The following SLC44A5 variants were observed in gnomAD, a reference collection of about 807,000 sequenced individuals.
SLC44A5 encodes choline transporter-like protein 5.
A neutral mutation model predicts 101.8 loss-of-function variants in SLC44A5; 57 were observed. The ratio of observed to expected loss-of-function variants is 0.56; its 90% CI spans 0.45 to 0.70. The LOEUF (loss-of-function observed/expected upper bound fraction) is 0.70, where lower values mean the gene tolerates loss of function less well. Among genes scored for constraint, SLC44A5 ranks in the 30% least tolerant of loss-of-function variants. SLC44A5 has a pLI of 0.00. For missense variants in SLC44A5, 737 were observed against 853.1 expected, an observed-to-expected ratio of 0.86 and a Z score of 1.70; for synonymous variants, 281 against 290.9, an observed-to-expected ratio of 0.97 and a Z score of 0.35.
At chr1:75,700,409 G>A in the SLC44A5 span, among the ~76,000 whole-genome samples, 1 of 149,846 alleles carries the variant, frequency 6.7e-6, no homozygotes, top group African/African-American at 2.5e-5. Flanking sequence ...AATGACTACT[G>A]GGTACATAAC....
At chr1:75,696,163 C>T in the SLC44A5 span, among the ~76,000 whole-genome samples, 4 of 152,098 alleles carry the variant, frequency 2.6e-5, no homozygotes, top group South Asian at 4.1e-4. Context: ...TATTCTCACT[C>T]CGGGACTTAG....
the SLC44A5 span, among the ~76,000 whole-genome samples, chr1:75,679,631 A>G: frequency 6.6e-6 from 1 of 152,144 alleles, no homozygotes; most frequent in African/African-American, 2.4e-5. Flanking sequence ...ATGGAAAGGA[A>G]CAACTGGTAC....
intron 14 of SLC44A5, among the ~76,000 whole-genome samples, chr1:75,220,874 T>C (rs1647063843): frequency 6.6e-6 from 1 of 152,202 alleles, no homozygotes; most frequent in Non-Finnish European, 1.5e-5. Flanking sequence ...CACTGCTAAG[T>C]GAATTATTGT....
In SLC44A5 at chr1:75,456,692, T is replaced by A. The variant is rs183627706; in HGVS notation, c.14-60071A>T. Among the ~76,000 whole-genome samples the A allele has an allele frequency of 1.9e-3, 293 of 152,310 alleles. 1 individual carries two copies. Among genetic ancestry groups the A allele is most frequent in the African/African-American group, 6.4e-3 (267 of 41,580 alleles). ...GGCTTTTTGTTTGTTTTATTGTTTT[T>A]AAGAATTTCTAAAAGGAAAGTAGCA... is the stretch of plus-strand genomic sequence containing the variant. On this transcript the variant is annotated intron_variant, in intron 2 of 23. Transcript: ENST00000370859.
the SLC44A5 span, among the ~76,000 whole-genome samples, chr1:75,705,825 T>C: frequency 6.6e-6 from 1 of 152,056 alleles, no homozygotes; most frequent in African/African-American, 2.4e-5. Flanking sequence ...GGATTACAGG[T>C]GCACCACCAC....
At chr1:75,335,740 A>G (rs1657391539) in intron 4 of SLC44A5, among the ~76,000 whole-genome samples, 1 of 152,216 alleles carries the variant, frequency 6.6e-6, no homozygotes, top group Non-Finnish European at 1.5e-5. Context: ...TGCTTTAATT[A>G]TGTGTTAATT....
intron 2 of SLC44A5, among the ~76,000 whole-genome samples, chr1:75,421,415 G>T (rs535830492): frequency 6.6e-6 from 1 of 152,246 alleles, no homozygotes; most frequent in African/African-American, 2.4e-5. Context: ...AGATTTTTAT[G>T]TAGGCCATAA....
At chr1:75,683,607 G>A in the SLC44A5 span, among the ~76,000 whole-genome samples, 1 of 152,110 alleles carries the variant, frequency 6.6e-6, no homozygotes, top group Non-Finnish European at 1.5e-5. Context: ...GGACTGTTGT[G>A]AGGTGGCGGA....
At chr1:75,548,042 T>A (rs1238638834) in intron 1 of SLC44A5, among the ~76,000 whole-genome samples, 2 of 152,190 alleles carry the variant, frequency 1.3e-5, no homozygotes, top group South Asian at 4.1e-4. Context: ...TTATACTTTT[T>A]ATTTTAATAC....
At chr1:75,414,282 TATACATAC>T (rs10567313) in intron 2 of SLC44A5, among the ~76,000 whole-genome samples, 51,624 of 148,410 alleles carry the variant, frequency 0.35, 9,099 homozygotes, top group Middle Eastern at 0.42. Flanking sequence ...TATACACATA[TATACATAC>T]ATACATACAT....
intron 2 of SLC44A5, among the ~76,000 whole-genome samples, chr1:75,502,579 G>C (rs1046744920): frequency 6.6e-6 from 1 of 151,680 alleles, no homozygotes; most frequent in Non-Finnish European, 1.5e-5. Context: ...TATACTTTAA[G>C]TTCTAGGGTA....
chr1:75,341,362 G>T (rs911303308), intron 3 of SLC44A5, among the ~76,000 whole-genome samples: 1 of 152,100 alleles, frequency 6.6e-6, no homozygotes, highest in Non-Finnish European at 1.5e-5. Flanking sequence ...CACACCTGTA[G>T]TCCTAGCTAT....
intron 2 of SLC44A5, among the ~76,000 whole-genome samples, chr1:75,514,280 C>T (rs1340207227): frequency 6.6e-6 from 1 of 152,164 alleles, no homozygotes; most frequent in Non-Finnish European, 1.5e-5. Context: ...ACCTTCTGAG[C>T]CTCTCAAAGC....
upstream of SLC44A5, among the ~76,000 whole-genome samples, chr1:75,611,662 T>C (rs143897002): frequency 1.3e-5 from 2 of 152,218 alleles, no homozygotes; most frequent in South Asian, 2.1e-4. Context: ...TTGTTACAAA[T>C]GCTTCATTAT....
At chr1:75,556,949 G>A (rs768942553) in intron 1 of SLC44A5, among the ~76,000 whole-genome samples, 1 of 152,082 alleles carries the variant, frequency 6.6e-6, no homozygotes, top group Non-Finnish European at 1.5e-5. Flanking sequence ...AAAAAGTGAA[G>A]AGAAAGAAGA....
chr1:75,678,241 G>A, the SLC44A5 span, among the ~76,000 whole-genome samples: 178 of 152,268 alleles, frequency 1.2e-3, no homozygotes, highest in African/African-American at 1.7e-3. Context: ...AGGGAAGCTC[G>A]AACTGGGTGG....
At chr1:75,210,522 G>T (rs779098484) in intron 23 of SLC44A5, among the ~76,000 whole-genome samples, 5 of 152,116 alleles carry the variant, frequency 3.3e-5, no homozygotes, top group African/African-American at 7.2e-5. Flanking sequence ...CTATCCATTT[G>T]TCATTGTGAT....
chr1:75,444,325 A>T (rs548224320), intron 2 of SLC44A5, among the ~76,000 whole-genome samples: 66 of 144,352 alleles, frequency 4.6e-4, no homozygotes, highest in Non-Finnish European at 8.9e-4. Flanking sequence ...AAAAAAAAAA[A>T]AAAGAAAGAA....
chr1:75,526,959 C>T (rs1670439656), intron 2 of SLC44A5, among the ~76,000 whole-genome samples: 1 of 151,900 alleles, frequency 6.6e-6, no homozygotes, highest in African/African-American at 2.4e-5. Context: ...CATGGTGAAA[C>T]TCTGCCTCTA....
Sources: allele counts gnomAD v4.1 joint callset (sites outside exome capture counted in the v4.1 genomes callset), GRCh38; gene constraint gnomAD v4.1.1; transcripts MANE v1.5; gene names NCBI Gene and HGNC (gene_info 2026-07-23, HGNC 2026-07-21).